The following SFMBT2 variants were observed in gnomAD, a reference collection of about 807,000 sequenced individuals.
SFMBT2 encodes the protein Scm like with four mbt domains 2.
Under a neutral mutation model 110.1 loss-of-function variants are expected in SFMBT2, and 38 were observed. That is an observed-to-expected ratio of 0.35 (90% CI 0.27 to 0.45). The LOEUF is 0.45. Ranked by LOEUF, SFMBT2 falls within the 20% of genes least tolerant of loss-of-function variation. The pLI is 1.00. For missense variants in SFMBT2, 1,011 were observed against 1,094.9 expected, an observed-to-expected ratio of 0.92 and a Z score of 1.08; for synonymous variants, 425 against 425.4, an observed-to-expected ratio of 1.00 and a Z score of 0.01.
intron 16 of SFMBT2, among the ~76,000 whole-genome samples, chr10:7,182,824 A>G (rs1838283984): frequency 6.6e-6 from 1 of 151,868 alleles, no homozygotes; most frequent in South Asian, 2.1e-4. Flanking sequence ...TATGTAACTA[A>G]CCTGCACATT....
chr10:7,282,458 C>T (rs534386348), intron 6 of SFMBT2, among the ~76,000 whole-genome samples: 24 of 152,324 alleles, frequency 1.6e-4, no homozygotes, highest in East Asian at 7.7e-4. Context: ...CACAACTTTA[C>T]GCACAAAGTA....
intron 4 of SFMBT2, among the ~76,000 whole-genome samples, chr10:7,334,610 G>A (rs1294810611): frequency 6.6e-6 from 1 of 152,156 alleles, no homozygotes; most frequent in Non-Finnish European, 1.5e-5. Flanking sequence ...AGCGGGACCT[G>A]TCACCGATAC....
chr10:7,237,364 T>C (rs1255633390), intron 9 of SFMBT2, among the ~76,000 whole-genome samples: 2 of 152,054 alleles, frequency 1.3e-5, no homozygotes, highest in East Asian at 3.8e-4. Flanking sequence ...TGCCCCAACA[T>C]GGAAAAAAAT....
At chr10:7,217,540 CA>C (rs1321673146) in intron 11 of SFMBT2, among the ~76,000 whole-genome samples, 5 of 151,888 alleles carry the variant, frequency 3.3e-5, no homozygotes, top group Admixed American at 2.6e-4. Flanking sequence ...AACAAGACTC[CA>C]AAAAAAGATG....
chr10:7,295,549 T>C (rs938237829), intron 4 of SFMBT2, among the ~76,000 whole-genome samples: 1 of 152,248 alleles, frequency 6.6e-6, no homozygotes, highest in African/African-American at 2.4e-5. Flanking sequence ...GTTACCATAA[T>C]ATTCATTGCA....
In SFMBT2 at chr10:7,171,458, C is replaced by G. The variant is rs1837869215; in HGVS notation, c.2416-402G>C. ...GGTGCCAGTGGCCCTTTCTGCTGAT[C>G]TCACACCACCCATGGGGCTAGGGGA... On this transcript the variant is annotated intron_variant, in intron 19 of 20. Coordinates refer to ENST00000397167, the MANE Select transcript of SFMBT2 (RefSeq NM_001387889.1). This position sits in a 1 kb window ranked among gnomAD's most constrained non-coding sequence, Gnocchi z 4.9. The G allele has an allele frequency of 1.0e-6, 1 of 985,454 alleles. No individual in the cohort carries two copies. Among genetic ancestry groups the G allele is most frequent in the Non-Finnish European group, 1.2e-6 (1 of 829,936 alleles). 61.0% of individuals were successfully genotyped at this position (985,454 alleles called of 1,614,324 possible).
At chr10:7,247,265 C>T (rs1840647688) in intron 8 of SFMBT2, among the ~76,000 whole-genome samples, 1 of 151,972 alleles carries the variant, frequency 6.6e-6, no homozygotes, top group Non-Finnish European at 1.5e-5. Flanking sequence ...TACAAGCATG[C>T]ACCACCATAC....
chr10:7,291,810 G>T (rs996103070), intron 4 of SFMBT2, among the ~76,000 whole-genome samples: 1 of 152,152 alleles, frequency 6.6e-6, no homozygotes, highest in South Asian at 2.1e-4. Flanking sequence ...TAAATATATG[G>T]TTTCTAGTCC....
rs1564390669 is a variant in SFMBT2, at chr10:7,220,470, T to G, written c.1271A>C (p.Glu424Ala). ...LEAVNPRNPGELCVASVVSVK... is the reference protein window; with the variant it reads ...LEAVNPRNPGALCVASVVSVK... ...ACTCACAACGGAGGCCACACACAGT[T>G]CTCCTGGATTCCTGGGGTTCACAGC... The change falls in exon 11 of 21, where the codon GAA becomes GCA. Residue 424 changes from glutamate to alanine, a missense_variant. Physicochemically the swap from Glu to Ala is moderately radical, Grantham distance 107. Around this residue, in one of 2 missense-constraint regions of SFMBT2, gnomAD observed 979 missense variants for 1,016.1 expected, o/e 0.96. Transcript: ENST00000397167. 6.2e-7 allele frequency: 1 copy of G among 1,613,948 alleles called. No individual in the cohort carries two copies.
intron 4 of SFMBT2, among the ~76,000 whole-genome samples, chr10:7,289,268 G>T (rs1234044986): frequency 6.6e-6 from 1 of 152,214 alleles, no homozygotes; most frequent in Non-Finnish European, 1.5e-5. Flanking sequence ...AAATGGTCCT[G>T]TGCCTAACAC....
At chr10:7,383,616 G>A (rs1182332656) in intron 1 of SFMBT2, among the ~76,000 whole-genome samples, 2 of 152,160 alleles carry the variant, frequency 1.3e-5, no homozygotes, top group Non-Finnish European at 2.9e-5. Flanking sequence ...AAACTATCCG[G>A]AGTGGGTCGG....
chr10:7,396,931 G>C (rs866675348), intron 1 of SFMBT2, among the ~76,000 whole-genome samples: 105 of 149,596 alleles, frequency 7.0e-4, no homozygotes, highest in African/African-American at 2.4e-3. Flanking sequence ...GGGAGGGATA[G>C]CATTAGGAGA....
chr10:7,231,881 G>A lies in SFMBT2; in HGVS notation c.1121-3944C>T, dbSNP rs559626596. On this transcript the variant is annotated intron_variant, in intron 9 of 20. Transcript: ENST00000397167. The stretch of plus-strand genomic sequence containing the variant: ...TTGTGACAGCTCAGAAAATAACTGC[G>A]ACATAAAAACAAATTGCTGTGGATG... Among the ~76,000 whole-genome samples, 8 of 152,220 alleles carry A rather than the reference G, an allele frequency of 5.3e-5. 1 individual carries two copies. The South Asian group carries it at 1.5e-3, about 28-fold the overall frequency.
chr10:7,398,241 C>T (rs1313713315), intron 1 of SFMBT2, among the ~76,000 whole-genome samples: 1 of 152,178 alleles, frequency 6.6e-6, no homozygotes, highest in Non-Finnish European at 1.5e-5. Flanking sequence ...TTCACTGTCA[C>T]CTCTTAACCT....
chr10:7,407,728 C>T lies in SFMBT2; in HGVS notation c.-52+3133G>A, dbSNP rs140787820. Among the ~76,000 whole-genome samples the T allele has an allele frequency of 5.3e-3, 811 of 152,314 alleles. 8 individuals carry two copies. The highest frequency in any genetic ancestry group is 0.018 in the African/African-American group (734 of 41,562). Reference sequence around the variant, plus strand: ...CGAAAGCGAAACTGCGAGCTGGTCTCCAGAAGTTTGAGAACGGTCTCCCAG... The same window carrying T: ...CGAAAGCGAAACTGCGAGCTGGTCTTCAGAAGTTTGAGAACGGTCTCCCAG... On this transcript the variant is annotated intron_variant, in intron 1 of 20. Transcript: ENST00000397167.
chr10:7,165,403 T>A (rs1773378111), intron 20 of SFMBT2, among the ~76,000 whole-genome samples: 1 of 152,216 alleles, frequency 6.6e-6, no homozygotes, highest in African/African-American at 2.4e-5. Flanking sequence ...AAAGTGTGTA[T>A]AAATGGTAGC....
chr10:7,192,418 C>A (rs367721106), intron 15 of SFMBT2, among the ~76,000 whole-genome samples: 3 of 151,996 alleles, frequency 2.0e-5, no homozygotes, highest in Non-Finnish European at 4.4e-5. Context: ...CTTCTCCTAC[C>A]ACCAAGTCTA....
At chr10:7,358,705 T>TGGAATGGAGGCATGGCGGCC (rs1564456949) in intron 4 of SFMBT2, among the ~76,000 whole-genome samples, 1 of 139,268 alleles carries the variant, frequency 7.2e-6, no homozygotes, top group Admixed American at 7.4e-5. Context: ...GCATGGTGGC[T>TGGAATGGAGGCATGGCGGCC]CTGGAATGAA....
chr10:7,241,251 C>G, intron 9 of SFMBT2: 1 of 812,292 alleles, frequency 1.2e-6, no homozygotes, highest in Non-Finnish European at 1.5e-6. Flanking sequence ...TATAAATTAC[C>G]CAGTCTCAGG....
Sources: gnomAD v4.1 joint callset for allele counts (sites outside exome capture counted in the v4.1 genomes callset) on GRCh38, gnomAD v4.1.1 for gene constraint, gnomAD v4.1.1 regional missense constraint, Gnocchi (gnomAD v3.1) non-coding constraint, MANE v1.5 for transcripts, NCBI Gene and HGNC (gene_info 2026-07-23, HGNC 2026-07-21) for gene names.